DPP6: variants seen among roughly 807,000 people sequenced by gnomAD.
DPP6 encodes the protein A-type potassium channel modulatory protein DPP6.
A neutral mutation model predicts 122.6 loss-of-function variants in DPP6; 69 were observed. That is an observed-to-expected ratio of 0.56 (90% CI 0.46 to 0.69). The LOEUF is 0.69. Ranked by LOEUF, DPP6 falls within the 30% of genes least tolerant of loss-of-function variation. The pLI is 0.00. For missense variants in DPP6, 928 were observed against 1,116.9 expected (o/e 0.83, Z 2.41); for synonymous variants, 418 against 433.1 (o/e 0.97, Z 0.43).
the DPP6 span, among the ~76,000 whole-genome samples, chr7:153,759,090 A>G: frequency 6.6e-6 from 1 of 151,784 alleles, no homozygotes; most frequent in Non-Finnish European, 1.5e-5. Context: ...TTAGTGGCAT[A>G]TTGGTGCAGT....
intron 1 of DPP6, among the ~76,000 whole-genome samples, chr7:154,344,193 A>G (rs900254858): frequency 3.9e-5 from 6 of 151,994 alleles, no homozygotes; most frequent in East Asian, 1.9e-4. Flanking sequence ...CACACCCACA[A>G]TTGTCTGTTC....
chr7:154,445,880 A>G (rs562174591), intron 1 of DPP6, among the ~76,000 whole-genome samples: 18 of 152,292 alleles, frequency 1.2e-4, no homozygotes, highest in African/African-American at 4.3e-4. Context: ...GTGAAGAAGG[A>G]AAGCTCCAAG....
At chr7:154,319,717 G>A (rs1807758275) in intron 1 of DPP6, among the ~76,000 whole-genome samples, 1 of 151,820 alleles carries the variant, frequency 6.6e-6, no homozygotes, top group Non-Finnish European at 1.5e-5. Context: ...AACATGCCGG[G>A]TGCAGTGGCT....
chr7:153,801,169 G>C, the DPP6 span, among the ~76,000 whole-genome samples: 17 of 148,652 alleles, frequency 1.1e-4, 1 homozygote, highest in African/African-American at 4.0e-4. Flanking sequence ...TAATATTTGG[G>C]TGCATCACAC....
chr7:154,469,509 G>C (rs564897885), intron 2 of DPP6, among the ~76,000 whole-genome samples: 1 of 152,150 alleles, frequency 6.6e-6, no homozygotes, highest in East Asian at 1.9e-4. Flanking sequence ...CTGACCTATG[G>C]ATTCATATGG....
At chr7:153,773,030 T>A in the DPP6 span, among the ~76,000 whole-genome samples, 1 of 146,292 alleles carries the variant, frequency 6.8e-6, no homozygotes, top group Non-Finnish European at 1.5e-5. Flanking sequence ...TAATAATATA[T>A]AAAAGTCTTT....
chr7:154,473,322 G>C (rs1586380550), intron 2 of DPP6, among the ~76,000 whole-genome samples: 1 of 152,194 alleles, frequency 6.6e-6, no homozygotes, highest in Non-Finnish European at 1.5e-5. Flanking sequence ...AAAGCTCCTA[G>C]AGCGAAGAAA....
intron 1 of DPP6, among the ~76,000 whole-genome samples, chr7:153,943,120 G>A (rs1241282656): frequency 1.3e-5 from 2 of 152,052 alleles, no homozygotes; most frequent in Admixed American, 1.3e-4. Flanking sequence ...CCTTAATAAA[G>A]TTTTATTAAT....
rs543708612 is a variant in DPP6, at chr7:154,804,475, G to A, written c.1500-442G>A. On this transcript the variant is annotated intron_variant, in intron 14 of 25. Coordinates refer to ENST00000377770, the MANE Select transcript of DPP6 (RefSeq NM_130797.4). ...ACAATTTCACCTCCCTGCTCCTGGGGTAAAAGCCAAGGTTTCTGCATTGGG... is the reference window on the plus strand; with the variant it reads ...ACAATTTCACCTCCCTGCTCCTGGGATAAAAGCCAAGGTTTCTGCATTGGG... Among the ~76,000 whole-genome samples the A allele has an allele frequency of 1.6e-4, 24 of 152,350 alleles. No individual in the cohort carries two copies. The South Asian group carries it at 4.3e-3, about 28-fold the overall frequency.
intron 7 of DPP6, among the ~76,000 whole-genome samples, chr7:154,685,340 T>C (rs1160701304): frequency 6.6e-6 from 1 of 152,222 alleles, no homozygotes; most frequent in Non-Finnish European, 1.5e-5. Context: ...TGGCAGATGA[T>C]TGTTTAGAAT....
intron 4 of DPP6, among the ~76,000 whole-genome samples, chr7:154,556,604 G>C (rs920980838): frequency 2.0e-5 from 3 of 152,116 alleles, no homozygotes; most frequent in Non-Finnish European, 2.9e-5. Flanking sequence ...TTCATAAAAA[G>C]AGAGAAATTT....
At chr7:154,801,159 T>G (rs1798340396) in intron 12 of DPP6, among the ~76,000 whole-genome samples, 196 bp from the exon 13 acceptor site, 1 of 152,138 alleles carries the variant, frequency 6.6e-6, no homozygotes, top group East Asian at 1.9e-4. Flanking sequence ...CTCCATCTTC[T>G]TCTTTTAGAA....
chr7:154,848,002 C>G (rs1402742676), intron 16 of DPP6, among the ~76,000 whole-genome samples: 1 of 152,218 alleles, frequency 6.6e-6, no homozygotes, highest in Non-Finnish European at 1.5e-5. Context: ...TGACACAAGT[C>G]CTTTCATCTC....
At chr7:154,018,298 A>G (rs1010855693) in intron 1 of DPP6, among the ~76,000 whole-genome samples, 19 of 152,004 alleles carry the variant, frequency 1.2e-4, no homozygotes, top group African/African-American at 3.6e-4. Context: ...TAATTGCTCA[A>G]TGATCTTGAG....
intron 17 of DPP6, chr7:154,858,324 C>G (rs996977265): frequency 2.6e-5 from 4 of 152,278 alleles, no homozygotes; most frequent in African/African-American, 9.6e-5. Context: ...AGCGAGGAAG[C>G]AAAAGCAGAG....
chr7:154,329,681 G>T (rs1482720732), intron 1 of DPP6, among the ~76,000 whole-genome samples: 1 of 152,126 alleles, frequency 6.6e-6, no homozygotes, highest in Non-Finnish European at 1.5e-5. Flanking sequence ...CCATTACTGG[G>T]TATATACCCA....
intron 1 of DPP6, among the ~76,000 whole-genome samples, chr7:154,216,833 G>GT (rs59460372): frequency 0.044 from 5,515 of 125,522 alleles, 221 homozygotes; most frequent in African/African-American, 0.11. Flanking sequence ...TGTTACTGTT[G>GT]TTTTTTTTTT....
intron 1 of DPP6, among the ~76,000 whole-genome samples, chr7:154,346,260 T>C (rs752936774): frequency 1.3e-5 from 2 of 152,184 alleles, no homozygotes; most frequent in Non-Finnish European, 2.9e-5. Context: ...CTGAAGACTT[T>C]TCAAGCCTCT....
chr7:154,798,731 T>G (rs28553465), intron 12 of DPP6, among the ~76,000 whole-genome samples: 1 of 152,174 alleles, frequency 6.6e-6, no homozygotes, highest in Non-Finnish European at 1.5e-5. Flanking sequence ...CTGTGAAGAT[T>G]GCAGCTCCAT....
Sources: gnomAD v4.1 joint callset for allele counts (sites outside exome capture counted in the v4.1 genomes callset) on GRCh38, gnomAD v4.1.1 for gene constraint, MANE v1.5 for transcripts, NCBI Gene and HGNC (gene_info 2026-07-23, HGNC 2026-07-21) for gene names.